RPS6KC1: variants seen among roughly 807,000 people sequenced by gnomAD.
RPS6KC1 encodes the protein ribosomal protein S6 kinase C1, also known as inactive ribosomal protein S6 kinase delta-1.
Under a neutral mutation model 103.8 loss-of-function variants are expected in RPS6KC1, and 54 were observed. That is an observed-to-expected ratio of 0.52 (90% confidence interval 0.42 to 0.65). The LOEUF (loss-of-function observed/expected upper bound fraction) is 0.65, where lower values mean the gene tolerates loss of function less well. Among genes scored for constraint, RPS6KC1 ranks in the 30% least tolerant of loss-of-function variants. The probability of loss-of-function intolerance (pLI) is 0.00; values close to 1 mark genes in which losing one functional copy is unlikely to be tolerated. For synonymous variants in RPS6KC1, 439 were observed against 438.7 expected (o/e 1.00, Z -0.01); for missense variants, 1,151 against 1,253.8 (o/e 0.92, Z 1.24).
the RPS6KC1 span, among the ~76,000 whole-genome samples, chr1:213,353,572 G>C: frequency 6.6e-6 from 1 of 152,204 alleles, no homozygotes; most frequent in Non-Finnish European, 1.5e-5. Context: ...TGTCTACTCA[G>C]CACAAAGTTG....
the RPS6KC1 span, among the ~76,000 whole-genome samples, chr1:213,783,815 C>CAAAAA: frequency 9.9e-3 from 652 of 65,938 alleles, 44 homozygotes; most frequent in East Asian, 0.13. Flanking sequence ...AAGATGTTGC[C>CAAAAA]AAAAAAAAAA....
chr1:213,650,238 A>T, the RPS6KC1 span, among the ~76,000 whole-genome samples: 1 of 152,204 alleles, frequency 6.6e-6, no homozygotes, highest in East Asian at 1.9e-4. Flanking sequence ...GCATTAAGTA[A>T]TGCATTCACA....
the RPS6KC1 span, among the ~76,000 whole-genome samples, chr1:213,473,824 G>A: frequency 6.6e-6 from 1 of 152,204 alleles, no homozygotes; most frequent in East Asian, 1.9e-4. Flanking sequence ...ATTTCGAGAA[G>A]TTTTCATAGA....
the RPS6KC1 span, among the ~76,000 whole-genome samples, chr1:213,360,261 T>C: frequency 6.6e-6 from 1 of 152,216 alleles, no homozygotes; most frequent in Non-Finnish European, 1.5e-5. Context: ...CGTTTCTTTT[T>C]ATTCTTTTTT....
At chr1:213,073,324 C>T (rs990747151) in intron 2 of RPS6KC1, among the ~76,000 whole-genome samples, 1 of 152,220 alleles carries the variant, frequency 6.6e-6, no homozygotes, top group Non-Finnish European at 1.5e-5. Flanking sequence ...AATACGCTAG[C>T]CTTATAAAAT....
chr1:213,383,152 G>A, the RPS6KC1 span, among the ~76,000 whole-genome samples: 1 of 152,128 alleles, frequency 6.6e-6, no homozygotes, highest in Non-Finnish European at 1.5e-5. Flanking sequence ...TACTGTGTTT[G>A]TCTTTTCATC....
the RPS6KC1 span, among the ~76,000 whole-genome samples, chr1:213,764,197 C>T: frequency 2.0e-5 from 3 of 152,186 alleles, no homozygotes; most frequent in Admixed American, 6.5e-5. Flanking sequence ...GACGGAAACA[C>T]GCAGAGAGAG....
chr1:213,609,432 A>C, the RPS6KC1 span, among the ~76,000 whole-genome samples: 1 of 152,130 alleles, frequency 6.6e-6, no homozygotes, highest in Non-Finnish European at 1.5e-5. Context: ...GTTGGCACTC[A>C]GTCCCATGTA....
At chr1:213,649,669 G>A in the RPS6KC1 span, among the ~76,000 whole-genome samples, 1 of 151,932 alleles carries the variant, frequency 6.6e-6, no homozygotes, top group Admixed American at 6.6e-5. Context: ...TGTCTGTGAC[G>A]GTTTACTTTC....
chr1:213,071,335 G>A (rs963139866), intron 2 of RPS6KC1, among the ~76,000 whole-genome samples: 6 of 152,018 alleles, frequency 3.9e-5, no homozygotes, highest in African/African-American at 1.2e-4. Context: ...TACCACGTTG[G>A]CCAGGCTGGT....
At chr1:213,715,749 A>G in the RPS6KC1 span, among the ~76,000 whole-genome samples, 1 of 152,216 alleles carries the variant, frequency 6.6e-6, no homozygotes, top group African/African-American at 2.4e-5. Context: ...TTTCATCATT[A>G]TTGGCATTTG....
intron 6 of RPS6KC1, among the ~76,000 whole-genome samples, chr1:213,135,878 A>G (rs2086214073): frequency 6.6e-6 from 1 of 152,208 alleles, no homozygotes; most frequent in Admixed American, 6.5e-5. Context: ...TTCACAAATG[A>G]AAAGAGAGTT....
At chr1:213,846,547 A>G in the RPS6KC1 span, among the ~76,000 whole-genome samples, 2 of 152,178 alleles carry the variant, frequency 1.3e-5, no homozygotes, top group East Asian at 1.9e-4. Context: ...CCTGAAGCCA[A>G]TTTCTTTTAG....
the RPS6KC1 span, among the ~76,000 whole-genome samples, chr1:213,655,836 C>A: frequency 3.9e-5 from 6 of 152,042 alleles, no homozygotes; most frequent in Non-Finnish European, 5.9e-5. Context: ...TGTGCTCCCC[C>A]CAGGATGAAT....
In RPS6KC1 at chr1:213,153,920, A is replaced by G. The variant is rs2089560610; in HGVS notation, c.836-13938A>G. On this transcript the variant is annotated intron_variant, in intron 6 of 14. Transcript: ENST00000366960. ...TAATTCTTGGGAAGGCTTTCCAGACATTTGAAAGGACTTGTGTGTTGTGAT... is the reference window on the plus strand; with the variant it reads ...TAATTCTTGGGAAGGCTTTCCAGACGTTTGAAAGGACTTGTGTGTTGTGAT... Among the ~76,000 whole-genome samples the G allele has an allele frequency of 3.3e-5, 5 of 152,116 alleles. No homozygotes were observed. The South Asian group carries it at 8.3e-4, about 25-fold the overall frequency.
intron 6 of RPS6KC1, among the ~76,000 whole-genome samples, chr1:213,137,775 C>CTCTCTCTCTCTCTA (rs1295773311): frequency 3.1e-5 from 1 of 32,254 alleles, no homozygotes; most frequent in African/African-American, 1.0e-4. Flanking sequence ...CTCTCTCTCT[C>CTCTCTCTCTCTCTA]TCTATATATA....
At chr1:213,689,510 G>A in the RPS6KC1 span, among the ~76,000 whole-genome samples, 1 of 152,182 alleles carries the variant, frequency 6.6e-6, no homozygotes, top group African/African-American at 2.4e-5. Flanking sequence ...TCTCCCCACA[G>A]GGTATTTCAA....
At chr1:213,397,170 G>T in the RPS6KC1 span, among the ~76,000 whole-genome samples, 3 of 152,064 alleles carry the variant, frequency 2.0e-5, no homozygotes, top group Non-Finnish European at 2.9e-5. Context: ...CCACATCGTG[G>T]CTCATTCTAC....
the RPS6KC1 span, among the ~76,000 whole-genome samples, chr1:213,390,880 G>A: frequency 6.6e-6 from 1 of 152,104 alleles, no homozygotes; most frequent in Non-Finnish European, 1.5e-5. Context: ...GGAGGCAAAG[G>A]GTTTTATAGC....
Sources: allele counts gnomAD v4.1 joint callset (sites outside exome capture counted in the v4.1 genomes callset), GRCh38; gene constraint gnomAD v4.1.1; transcripts MANE v1.5; gene names NCBI Gene and HGNC (gene_info 2026-07-23, HGNC 2026-07-21).